The following PPP1R3D variants were observed in gnomAD, a reference collection of about 807,000 sequenced individuals.
PPP1R3D encodes the protein protein phosphatase 1 regulatory subunit 3D.
In PPP1R3D, 27 loss-of-function variants were observed where a neutral mutation model predicts 16.3. The observed-to-expected ratio is 1.66, with a 90% confidence interval of 1.22 to 2.29. The LOEUF (loss-of-function observed/expected upper bound fraction) is 2.29. Ranked by LOEUF, PPP1R3D falls within the 30% of genes most tolerant of loss-of-function variation. The probability of loss-of-function intolerance (pLI) is 0.00; values close to 1 mark genes in which losing one functional copy is unlikely to be tolerated. For missense variants in PPP1R3D, 472 were observed against 438.3 expected, an observed-to-expected ratio of 1.08 and a Z score of -0.69; for synonymous variants, 223 against 209.7, an observed-to-expected ratio of 1.06 and a Z score of -0.55.
Position 59,939,593 on chromosome 20 carries a change from C to A in PPP1R3D, c.339G>T (p.Leu113=). Residue 113 remains leucine, a synonymous_variant, in exon 1 of 1, where the codon CTG becomes CTT. Transcript: ENST00000370996. ...CCGCGTTGAACACCTTGACCTGTGCCAGCTCCAAGCCCAGGGCGTCGGCGA... is the reference window on the plus strand; with the variant it reads ...CCGCGTTGAACACCTTGACCTGTGCAAGCTCCAAGCCCAGGGCGTCGGCGA... ...VRFADALGLE[L]AQVKVFNAGD... is the part of the protein sequence containing the mutation. 1 of 1,603,298 alleles carries A rather than the reference C, an allele frequency of 6.2e-7. No individual in the cohort carries two copies. The highest frequency in any genetic ancestry group is 1.3e-5 in the African/African-American group (1 of 74,502).
chr20:59,938,223 A>G lies in PPP1R3D; in HGVS notation c.*809T>C, dbSNP rs150603485. ...TTTCAAACTTAAACAGAATGGCCTGATAATGATCAAACATGTACAGAGAAA... is the reference window on the plus strand; with the variant it reads ...TTTCAAACTTAAACAGAATGGCCTGGTAATGATCAAACATGTACAGAGAAA... On this transcript the variant is annotated 3_prime_UTR_variant, in exon 1 of 1. Coordinates refer to ENST00000370996, the MANE Select transcript of PPP1R3D (RefSeq NM_006242.4). 71 of 152,392 alleles carry G rather than the reference A, an allele frequency of 4.7e-4. No individual in the cohort carries two copies. The highest frequency in any genetic ancestry group is 1.7e-3 in the African/African-American group (69 of 41,592). The allele number at this position is 152,392 out of a possible 1,614,324, so 9.4% of individuals were successfully genotyped here. A position where few individuals can be genotyped will look rare whatever the true frequency, so the allele number is the denominator to read the frequency against.
rs778473475 is a variant in PPP1R3D at position 59,939,075 on chromosome 20, A to G, written c.857T>C (p.Met286Thr). The change falls in exon 1 of 1, where the codon ATG becomes ACG. Residue 286 changes from methionine (M) to threonine (T), a missense_variant. Met to Thr is a moderately conservative substitution (Grantham distance 81). Transcript: ENST00000370996. ...GCTCTCTTCGCACTCCCCGCGAGGC[A>G]TGTGCAGCGCGTGGTTGCGACATGT... The part of the protein sequence containing the change: ...SLTCRNHALH[M>T]PRGECEESWI... The G allele has an allele frequency of 1.9e-6, 3 of 1,577,430 alleles. No homozygotes were observed. The highest frequency in any genetic ancestry group is 2.6e-6 in the Non-Finnish European group (3 of 1,164,246).
chr20:59,939,652 G>A lies in PPP1R3D; in HGVS notation c.280C>T (p.Arg94Trp), dbSNP rs1173963125. ...KAAGAPGAAC[R>W]PGCSQKLRVR... is the part of the protein sequence containing the mutation. ...CGGAGCTTCTGGCTGCAGCCCGGCC[G>A]ACACGCAGCGCCCGGCGCGCCCGCG... is the stretch of plus-strand genomic sequence containing the variant. Residue 94 changes from arginine to tryptophan, a missense_variant, in exon 1 of 1, where the codon CGG (arginine) becomes TGG (tryptophan). Transcript: ENST00000370996. The A allele has an allele frequency of 4.6e-6, 7 of 1,524,226 alleles. No homozygotes were observed. The highest frequency in any genetic ancestry group is 2.1e-5 in the Admixed American group (1 of 48,228). The allele number at this position is 1,524,226 out of a possible 1,614,324, so 94.4% of individuals were successfully genotyped here. A position where few individuals can be genotyped will look rare whatever the true frequency, so the allele number is the denominator to read the frequency against.
Position 59,939,670 on chromosome 20 carries a change from C to A in PPP1R3D, c.262G>T (p.Ala88Ser). 1 of 1,462,798 alleles carries A rather than the reference C, an allele frequency of 6.8e-7. No homozygotes were observed. Among genetic ancestry groups the A allele is most frequent in the Non-Finnish European group, 9.0e-7 (1 of 1,113,670 alleles). The allele number at this position is 1,462,798 out of a possible 1,614,324, so 90.6% of individuals were successfully genotyped here. ...CCCGGCCGACACGCAGCGCCCGGCG[C>A]GCCCGCGGCCTTCTGGCGGCGCTCG... is the stretch of plus-strand genomic sequence containing the variant. ...SPERRQKAAG[A>S]PGAACRPGCS... Residue 88 changes from alanine to serine, a missense_variant, in exon 1 of 1, where the codon GCG becomes TCG. Physicochemically the swap from Ala to Ser is moderately conservative, Grantham distance 99. Coordinates refer to ENST00000370996, the MANE Select transcript of PPP1R3D (RefSeq NM_006242.4).
Position 59,939,088 on chromosome 20 carries a change from G to T in PPP1R3D, c.844C>A (p.His282Asn), listed in dbSNP as rs2145945978. The T allele has an allele frequency of 6.3e-7, 1 of 1,592,302 alleles. No homozygotes were observed. The highest frequency in any genetic ancestry group is 8.5e-7 in the Non-Finnish European group (1 of 1,172,528). ...TCCCCGCGAGGCATGTGCAGCGCGT[G>T]GTTGCGACATGTGAGGCTGTAGTCT... ...HRDYSLTCRN[H>N]ALHMPRGECE... Residue 282 changes from histidine to asparagine, a missense_variant, in exon 1 of 1, where the codon CAC (histidine) becomes AAC (asparagine). Coordinates refer to ENST00000370996, the MANE Select transcript of PPP1R3D (RefSeq NM_006242.4).
rs551576143 is a variant in PPP1R3D, at chr20:59,939,053, C to A, written c.879G>T (p.Glu293Asp). ...ALHMPRGECE[E>D]SWIHFI is the part of the protein sequence containing the mutation. ...CGGCTCAGATGAAGTGGATCCAGCT[C>A]TCTTCGCACTCCCCGCGAGGCATGT... is the stretch of plus-strand genomic sequence containing the variant. The change falls in exon 1 of 1, where the codon GAG becomes GAT. Residue 293 changes from glutamate to aspartate, a missense_variant. By Grantham distance (45) the Glu-to-Asp change is conservative. Transcript: ENST00000370996. The A allele has an allele frequency of 1.9e-6, 3 of 1,548,356 alleles. No individual in the cohort carries two copies. Among genetic ancestry groups the A allele is most frequent in the South Asian group, 1.2e-5 (1 of 86,388 alleles).
Position 59,937,666 on chromosome 20 carries a change from G to GTTTTT in PPP1R3D, c.*1361_*1365dup, listed in dbSNP as rs544890202. Reference sequence around the variant, plus strand: ...ATTGGAGATCTTGTCCTTCCTGGCTGTTTTTTTTTTTTTCCCACACCTTAA... The same window carrying GTTTTT: ...ATTGGAGATCTTGTCCTTCCTGGCTGTTTTTTTTTTTTTTTTTTCCCACACCTTAA... On this transcript the variant is annotated 3_prime_UTR_variant, in exon 1 of 1. Transcript: ENST00000370996. The GTTTTT allele has an allele frequency of 7.0e-6, 1 of 143,296 alleles. No homozygotes were observed. Among genetic ancestry groups the GTTTTT allele is most frequent in the Non-Finnish European group, 1.5e-5 (1 of 64,874 alleles). 8.9% of individuals were successfully genotyped at this position (143,296 alleles called of 1,614,324 possible). A position where few individuals can be genotyped will look rare whatever the true frequency, so the allele number is the denominator to read the frequency against.
rs1469725905 is a variant in PPP1R3D at position 59,939,882 on chromosome 20, C to T, written c.50G>A (p.Arg17Gln). 2.4e-6 allele frequency: 3 copies of T among 1,250,720 alleles called. No individual in the cohort carries two copies. The highest frequency in any genetic ancestry group is 4.1e-5 in the Admixed American group (1 of 24,124). 77.5% of individuals were successfully genotyped at this position (1,250,720 alleles called of 1,614,324 possible). The change falls in exon 1 of 1, where the codon CGG becomes CAG. Residue 17 changes from arginine to glutamine, a missense_variant. Coordinates refer to ENST00000370996, the MANE Select transcript of PPP1R3D (RefSeq NM_006242.4). ...GCTGAGGCTCCGGGGGCCGAGCTTCCGGGATCCCAGGGCGCTAGGCAGGAC... is the reference window on the plus strand; with the variant it reads ...GCTGAGGCTCCGGGGGCCGAGCTTCTGGGATCCCAGGGCGCTAGGCAGGAC... ...SAVLPSALGS[R>Q]KLGPRSLSCL... is the part of the protein sequence containing the mutation.
In PPP1R3D at chr20:59,940,118, C is replaced by T; in HGVS notation, c.-187G>A. On this transcript the variant is annotated 5_prime_UTR_variant, in exon 1 of 1. Transcript: ENST00000370996. ...TCCTCGAGTCCTTGTCCAGGTCCTC[C>T]GCTTCTTGCGGTTAAAGAAATTGTA... is the stretch of plus-strand genomic sequence containing the variant. The T allele has an allele frequency of 2.3e-6, 1 of 429,318 alleles. No homozygotes were observed. Among genetic ancestry groups the T allele is most frequent in the Non-Finnish European group, 4.1e-6 (1 of 242,918 alleles). 26.6% of individuals were successfully genotyped at this position (429,318 alleles called of 1,614,324 possible).
rs2060890163 is a variant in PPP1R3D at position 59,939,959 on chromosome 20, C to T, written c.-28G>A. On this transcript the variant is annotated 5_prime_UTR_variant, in exon 1 of 1. Coordinates refer to ENST00000370996, the MANE Select transcript of PPP1R3D (RefSeq NM_006242.4). ...CCCCGCCGGCCGTCGGAAGATGAGG[C>T]AGGGATGAGAGACGACCTCCCGACC... is the stretch of plus-strand genomic sequence containing the variant. 3 of 1,260,282 alleles carry T rather than the reference C, an allele frequency of 2.4e-6. No homozygotes were observed. In the Admixed American group the frequency reaches 1.1e-4, roughly 48 times the overall value. 78.1% of individuals were successfully genotyped at this position (1,260,282 alleles called of 1,614,324 possible). A position where few individuals can be genotyped will look rare whatever the true frequency, so the allele number is the denominator to read the frequency against.
Position 59,938,017 on chromosome 20 carries a change from C to G in PPP1R3D, c.*1015G>C, listed in dbSNP as rs2060872708. On this transcript the variant is annotated 3_prime_UTR_variant, in exon 1 of 1. Transcript: ENST00000370996. ...CTCTGGCTATTGCTGAAAACACCTT[C>G]TAGTTCCACCTTGTAACTGGACTCC... 6.6e-6 allele frequency: 1 copy of G among 152,202 alleles called. No individual in the cohort carries two copies. The highest frequency in any genetic ancestry group is 1.5e-5 in the Non-Finnish European group (1 of 68,020). The allele number at this position is 152,202 out of a possible 1,614,324, so 9.4% of individuals were successfully genotyped here. A position where few individuals can be genotyped will look rare whatever the true frequency, so the allele number is the denominator to read the frequency against.
chr20:59,940,075 C>T lies in PPP1R3D; in HGVS notation c.-144G>A, dbSNP rs893717751. 1.7e-6 allele frequency: 1 copy of T among 588,338 alleles called. No homozygotes were observed. The allele number at this position is 588,338 out of a possible 1,614,324, so 36.4% of individuals were successfully genotyped here. ...CCTCTCGGGCCCGGTGCGCCCTACC[C>T]TTGGTTCGCCACCTTGCTCCTCGAG... On this transcript the variant is annotated 5_prime_UTR_variant, in exon 1 of 1. Transcript: ENST00000370996.
rs1458127596 is a variant in PPP1R3D at position 59,939,174 on chromosome 20, A to G, written c.758T>C (p.Val253Ala). ...PPFLLELGSR[V>A]HFAVRYQVAG... ...CACTTGGTAGCGCACCGCGAAGTGCACGCGGGAGCCGAGCTCCAGCAGGAA... is the reference window on the plus strand; with the variant it reads ...CACTTGGTAGCGCACCGCGAAGTGCGCGCGGGAGCCGAGCTCCAGCAGGAA... The change falls in exon 1 of 1, where the codon GTG (valine) becomes GCG (alanine). Residue 253 changes from valine to alanine, a missense_variant. Physicochemically the swap from Val to Ala is moderately conservative, Grantham distance 64. Transcript: ENST00000370996. 1 of 1,609,704 alleles carries G rather than the reference A, an allele frequency of 6.2e-7. No individual in the cohort carries two copies. The highest frequency in any genetic ancestry group is 2.2e-5 in the East Asian group (1 of 44,688).
Position 59,940,184 on chromosome 20 carries a change from T to G in PPP1R3D, c.-253A>C. Reference sequence around the variant, plus strand: ...TCTCTAGTGGAAGCTTTCAGAGGCCTCCCGGGAGCGCAGGGTAGCGCCTCT... The same window carrying G: ...TCTCTAGTGGAAGCTTTCAGAGGCCGCCCGGGAGCGCAGGGTAGCGCCTCT... On this transcript the variant is annotated 5_prime_UTR_variant, in exon 1 of 1. Transcript: ENST00000370996. 1 of 369,634 alleles carries G rather than the reference T, an allele frequency of 2.7e-6. No individual in the cohort carries two copies. Among genetic ancestry groups the G allele is most frequent in the East Asian group, 4.2e-5 (1 of 23,928 alleles). The allele number at this position is 369,634 out of a possible 1,614,324, so 22.9% of individuals were successfully genotyped here. A position where few individuals can be genotyped will look rare whatever the true frequency, so the allele number is the denominator to read the frequency against.
Position 59,939,867 on chromosome 20 carries a change from C to T in PPP1R3D, c.65G>A (p.Arg22Gln). 5 of 1,246,898 alleles carry T rather than the reference C, an allele frequency of 4.0e-6. No individual in the cohort carries two copies. Among genetic ancestry groups the T allele is most frequent in the South Asian group, 7.7e-5 (2 of 26,012 alleles). The allele number at this position is 1,246,898 out of a possible 1,614,324, so 77.2% of individuals were successfully genotyped here. ...SALGSRKLGP[R>Q]SLSCLSDLDG... is the part of the protein sequence containing the mutation. Reference sequence around the variant, plus strand: ...CAGGTCCGACAGGCAGCTGAGGCTCCGGGGGCCGAGCTTCCGGGATCCCAG... The same window carrying T: ...CAGGTCCGACAGGCAGCTGAGGCTCTGGGGGCCGAGCTTCCGGGATCCCAG... Residue 22 changes from arginine (R) to glutamine (Q), a missense_variant, in exon 1 of 1, where the codon CGG (arginine) becomes CAG (glutamine). By Grantham distance (43) the Arg-to-Gln change is conservative. Transcript: ENST00000370996.
chr20:59,938,378 G>C lies in PPP1R3D; in HGVS notation c.*654C>G, dbSNP rs1394387140. The C allele has an allele frequency of 1.3e-5, 2 of 152,232 alleles. No homozygotes were observed. The highest frequency in any genetic ancestry group is 4.8e-5 in the African/African-American group (2 of 41,454). 9.4% of individuals were successfully genotyped at this position (152,232 alleles called of 1,614,324 possible). On this transcript the variant is annotated 3_prime_UTR_variant, in exon 1 of 1. Transcript: ENST00000370996. The stretch of plus-strand genomic sequence containing the variant: ...CTAACCAGGACAGTCTCAATGCCCA[G>C]GAATGGTTGTGTGATGACTGATAAA...
chr20:59,939,006 C>G lies in PPP1R3D; in HGVS notation c.*26G>C. On this transcript the variant is annotated 3_prime_UTR_variant, in exon 1 of 1. Coordinates refer to ENST00000370996, the MANE Select transcript of PPP1R3D (RefSeq NM_006242.4). ...AGGAGGCGCAGCTTAGGTGTGGAGG[C>G]TCCAGGTGGCCGGTCCCCGCGCGGC... 1 of 1,490,454 alleles carries G rather than the reference C, an allele frequency of 6.7e-7. No individual in the cohort carries two copies. The highest frequency in any genetic ancestry group is 1.4e-5 in the African/African-American group (1 of 71,636). The allele number at this position is 1,490,454 out of a possible 1,614,324, so 92.3% of individuals were successfully genotyped here.
Position 59,937,929 on chromosome 20 carries a change from A to G in PPP1R3D, c.*1103T>C, listed in dbSNP as rs1299701125. 6.6e-6 allele frequency: 1 copy of G among 152,404 alleles called. No individual in the cohort carries two copies. Among genetic ancestry groups the G allele is most frequent in the East Asian group, 1.9e-4 (1 of 5,188 alleles). 9.4% of individuals were successfully genotyped at this position (152,404 alleles called of 1,614,324 possible). On this transcript the variant is annotated 3_prime_UTR_variant, in exon 1 of 1. Coordinates refer to ENST00000370996, the MANE Select transcript of PPP1R3D (RefSeq NM_006242.4). Reference sequence around the variant, plus strand: ...GTGGGTACCTGATAAAACATGATGTATGTAAATACAGTTCAAAACAATTTA... The same window carrying G: ...GTGGGTACCTGATAAAACATGATGTGTGTAAATACAGTTCAAAACAATTTA...
In PPP1R3D at chr20:59,936,827, A is replaced by C. The variant is rs2060865532; in HGVS notation, c.*2205T>G. Reference sequence around the variant, plus strand: ...ATACTGAAGCATAATAGAATGGCTCACAACTGTTTTTGCACATATACTTTA... The same window carrying C: ...ATACTGAAGCATAATAGAATGGCTCCCAACTGTTTTTGCACATATACTTTA... On this transcript the variant is annotated 3_prime_UTR_variant, in exon 1 of 1. Transcript: ENST00000370996. 1 of 152,316 alleles carries C rather than the reference A, an allele frequency of 6.6e-6. No individual in the cohort carries two copies. Among genetic ancestry groups the C allele is most frequent in the African/African-American group, 2.4e-5 (1 of 41,460 alleles). 9.4% of individuals were successfully genotyped at this position (152,316 alleles called of 1,614,324 possible).
Sources: gnomAD v4.1 joint callset for allele counts on GRCh38, gnomAD v4.1.1 for gene constraint, MANE v1.5 for transcripts, NCBI Gene and HGNC (gene_info 2026-07-23, HGNC 2026-07-21) for gene names.